OR2T11: variants seen among roughly 807,000 people sequenced by gnomAD.
OR2T11 encodes olfactory receptor 2T11.
Under a neutral mutation model 13.5 loss-of-function variants are expected in OR2T11, and 14 were observed. The ratio of observed to expected loss-of-function variants is 1.04; its 90% CI spans 0.69 to 1.62. OR2T11 has a LOEUF of 1.62. Ranked by LOEUF, OR2T11 falls within the 40% of genes most tolerant of loss-of-function variation. The pLI is 0.00. For missense variants in OR2T11, 410 were observed against 389.7 expected, an observed-to-expected ratio of 1.05 and a Z score of -0.44; for synonymous variants, 163 against 154.6, an observed-to-expected ratio of 1.05 and a Z score of -0.40.
intron 1 of OR2T11, among the ~76,000 whole-genome samples, chr1:248,629,552 T>G (rs536463010): frequency 5.0e-5 from 7 of 140,586 alleles, no homozygotes; most frequent in Admixed American, 4.9e-4. Flanking sequence ...GTCTCATGAA[T>G]CCCTCCAAGT....
chr1:248,627,064 C>T lies in OR2T11; in HGVS notation c.65G>A (p.Gly22Glu). 3.8e-6 allele frequency: 6 copies of T among 1,570,494 alleles called. 2 individuals carry two copies. Among genetic ancestry groups the T allele is most frequent in the Non-Finnish European group, 3.5e-6 (4 of 1,155,388 alleles). ...LGLLVNSEAA[G>E]IVFTVILAVF... is the part of the protein sequence containing the mutation. ...AGCAAGGATCACTGTAAATACAATCCCGGCAGCCTCACTGTTCACCAGAAG... is the reference window on the plus strand; with the variant it reads ...AGCAAGGATCACTGTAAATACAATCTCGGCAGCCTCACTGTTCACCAGAAG... The change falls in exon 2 of 2, where the codon GGG becomes GAG. Residue 22 changes from glycine (G) to glutamate (E), a missense_variant. Transcript: ENST00000641193.
In OR2T11 at chr1:248,625,891, G is replaced by A. The variant is rs1471647872; in HGVS notation, c.*287C>T. The A allele has an allele frequency of 7.9e-6, 2 of 251,698 alleles. No homozygotes were observed. The highest frequency in any genetic ancestry group is 1.5e-5 in the Non-Finnish European group (2 of 134,982). The allele number at this position is 251,698 out of a possible 1,614,324, so 15.6% of individuals were successfully genotyped here. A position where few individuals can be genotyped will look rare whatever the true frequency, so the allele number is the denominator to read the frequency against. ...TGTTGTGAAGGAGATCTAGTTCAGAGTGAAAGGTTGCTGTGAACTCTAATA... is the reference window on the plus strand; with the variant it reads ...TGTTGTGAAGGAGATCTAGTTCAGAATGAAAGGTTGCTGTGAACTCTAATA... On this transcript the variant is annotated 3_prime_UTR_variant, in exon 2 of 2. Transcript: ENST00000641193.
chr1:248,629,839 C>T lies in OR2T11; in HGVS notation c.-144-2567G>A, dbSNP rs1236449839. ...CCTTGCCTGGGGCTCCTCCTCCAAC[C>T]GTGCAAGGCCATCCATCCCCTCATG... On this transcript the variant is annotated intron_variant, in intron 1 of 1. Coordinates refer to ENST00000641193, the MANE Select transcript of OR2T11 (RefSeq NM_001001964.2). Among the ~76,000 whole-genome samples the T allele has an allele frequency of 6.4e-5, 9 of 141,650 alleles. 1 individual carries two copies. Among genetic ancestry groups the T allele is most frequent in the Middle Eastern group, 3.2e-3 (1 of 312 alleles). The allele number at this position is 141,650 out of a possible 152,430, so 92.9% of individuals were successfully genotyped here.
At chr1:248,633,543 T>A (rs1182867915) in intron 1 of OR2T11, among the ~76,000 whole-genome samples, 1 of 139,832 alleles carries the variant, frequency 7.2e-6, no homozygotes, top group African/African-American at 2.9e-5. Context: ...CCCTTTCAAG[T>A]AGTTTCCCCA....
In OR2T11 at chr1:248,630,215, G is replaced by A. The variant is rs550493823; in HGVS notation, c.-144-2943C>T. Among the ~76,000 whole-genome samples the A allele has an allele frequency of 6.3e-5, 9 of 142,102 alleles. No homozygotes were observed. In the South Asian group the frequency reaches 2.0e-3, roughly 31 times the overall value. 93.2% of individuals were successfully genotyped at this position (142,102 alleles called of 152,430 possible). On this transcript the variant is annotated intron_variant, in intron 1 of 1. Coordinates refer to ENST00000641193, the MANE Select transcript of OR2T11 (RefSeq NM_001001964.2). ...TAATTTTTTTTAATGCTAGGCACTT[G>A]TGTTTATCTTCAATGCAAAATAGAC...
Position 248,626,391 on chromosome 1 carries a change from G to A in OR2T11, c.738C>T (p.Ser246=). 1 of 1,572,544 alleles carries A rather than the reference G, an allele frequency of 6.4e-7. No homozygotes were observed. The highest frequency in any genetic ancestry group is 8.6e-7 in the Non-Finnish European group (1 of 1,156,266). Residue 246 remains serine, a synonymous_variant, in exon 2 of 2, where the codon AGC becomes AGT. Transcript: ENST00000641193. ...TTCSSHLTVV[S]IFYGAAFYTY... ...TGTAGAAGGCAGCCCCATAGAAGAT[G>A]CTAACTACAGTCAAGTGGGAGGAAC...
At position 248,625,405 on chromosome 1, in the gene OR2T11, C is replaced by A. The variant is rs1660500393; in HGVS notation, c.*773G>T. 1 of 144,170 alleles carries A rather than the reference C, an allele frequency of 6.9e-6. No homozygotes were observed. Among genetic ancestry groups the A allele is most frequent in the Admixed American group, 6.8e-5 (1 of 14,806 alleles). The allele number at this position is 144,170 out of a possible 1,614,324, so 8.9% of individuals were successfully genotyped here. ...CCCCACTCAGTCAGTCTCAAAGTGC[C>A]TTAAGTGTTGCTGTTGAATCACAGA... On this transcript the variant is annotated 3_prime_UTR_variant, in exon 2 of 2. Transcript: ENST00000641193.
At chr1:248,634,057 A>G (rs1660652411) in intron 1 of OR2T11, among the ~76,000 whole-genome samples, 2 of 141,964 alleles carry the variant, frequency 1.4e-5, no homozygotes, top group Admixed American at 1.4e-4. Flanking sequence ...TAAAAGTCTA[A>G]CTTTGTTAAT....
chr1:248,626,869 TTC>T lies in OR2T11; in HGVS notation c.258_259del (p.Lys87AspfsTer21). 1 of 1,570,528 alleles carries T rather than the reference TTC, an allele frequency of 6.4e-7. No homozygotes were observed. The highest frequency in any genetic ancestry group is 8.7e-7 in the Non-Finnish European group (1 of 1,154,912). On this transcript the variant is annotated frameshift_variant, in exon 2 of 2. Coordinates refer to ENST00000641193, the MANE Select transcript of OR2T11 (RefSeq NM_001001964.2). LOFTEE classifies it high-confidence loss of function. ...GCCACAGGCCACAAAGGAAATGATC[TTC>T]TCTTTAGAAACCATGTCTGCCAGGA...
chr1:248,627,642 GTTCTAT>G (rs1660543987), intron 1 of OR2T11, among the ~76,000 whole-genome samples: 1 of 143,460 alleles, frequency 7.0e-6, no homozygotes, highest in Admixed American at 6.8e-5. Context: ...CCATGTTTCT[GTTCTAT>G]TTCTTTTTAA....
intron 1 of OR2T11, among the ~76,000 whole-genome samples, chr1:248,627,721 A>G (rs1420226016): frequency 1.4e-5 from 2 of 142,934 alleles, no homozygotes; most frequent in East Asian, 2.0e-4. Context: ...CGCATAGTGG[A>G]GTCTTGTCTT....
rs559439206 is a variant in OR2T11, at chr1:248,631,344, C to T, written c.-145+3694G>A. ...CCGTGGACGTGTGCCAACGTTTCCA[C>T]GTGCTCTTCACAGCACCTCGACGGG... On this transcript the variant is annotated intron_variant, in intron 1 of 1. Coordinates refer to ENST00000641193, the MANE Select transcript of OR2T11 (RefSeq NM_001001964.2). Among the ~76,000 whole-genome samples the T allele has an allele frequency of 2.7e-4, 39 of 143,928 alleles. 7 individuals carry two copies. Among genetic ancestry groups the T allele is most frequent in the South Asian group, 4.3e-4 (2 of 4,604 alleles). 94.4% of individuals were successfully genotyped at this position (143,928 alleles called of 152,430 possible).
Position 248,625,394 on chromosome 1 carries a change from T to TCTCA in OR2T11, c.*780_*783dup, listed in dbSNP as rs1375929056. 6.9e-6 allele frequency: 1 copy of TCTCA among 144,182 alleles called. No individual in the cohort carries two copies. The highest frequency in any genetic ancestry group is 1.5e-5 in the Non-Finnish European group (1 of 66,450). 8.9% of individuals were successfully genotyped at this position (144,182 alleles called of 1,614,324 possible). On this transcript the variant is annotated 3_prime_UTR_variant, in exon 2 of 2. Coordinates refer to ENST00000641193, the MANE Select transcript of OR2T11 (RefSeq NM_001001964.2). Reference sequence around the variant, plus strand: ...GGGACTTCCCACCCCACTCAGTCAGTCTCAAAGTGCCTTAAGTGTTGCTGT... The same window carrying TCTCA: ...GGGACTTCCCACCCCACTCAGTCAGTCTCACTCAAAGTGCCTTAAGTGTTGCTGT...
At position 248,624,054 on chromosome 1, in the gene OR2T11, ACCT is replaced by A. The variant is rs1660480075; in HGVS notation, c.*2121_*2123del. The stretch of plus-strand genomic sequence containing the variant: ...TTAGTTATAACACACGCTCTGCCTG[ACCT>A]CCTGCTATTGTCACTGAGTTGGCCA... On this transcript the variant is annotated 3_prime_UTR_variant, in exon 2 of 2. Coordinates refer to ENST00000641193, the MANE Select transcript of OR2T11 (RefSeq NM_001001964.2). 3 of 140,664 alleles carry A rather than the reference ACCT, an allele frequency of 2.1e-5. 1 individual carries two copies. The highest frequency in any genetic ancestry group is 8.5e-5 in the African/African-American group (3 of 35,286). The allele number at this position is 140,664 out of a possible 1,614,324, so 8.7% of individuals were successfully genotyped here.
At position 248,626,097 on chromosome 1, in the gene OR2T11, A is replaced by T; in HGVS notation, c.*81T>A. The T allele has an allele frequency of 1.3e-6, 1 of 776,742 alleles. No homozygotes were observed. The highest frequency in any genetic ancestry group is 2.2e-6 in the Non-Finnish European group (1 of 463,212). The allele number at this position is 776,742 out of a possible 1,614,324, so 48.1% of individuals were successfully genotyped here. The stretch of plus-strand genomic sequence containing the variant: ...AACTGCCAGTAGTAAGTGTAGGTTG[A>T]TAGCTGAGCAGATCATCTCCAGGGA... On this transcript the variant is annotated 3_prime_UTR_variant, in exon 2 of 2. Transcript: ENST00000641193.
intron 1 of OR2T11, among the ~76,000 whole-genome samples, 158 bp from the exon 2 acceptor site, chr1:248,627,430 A>G (rs961835992): frequency 7.0e-6 from 1 of 143,346 alleles, no homozygotes; most frequent in Non-Finnish European, 1.5e-5. Context: ...TGCTACACCA[A>G]GAATGGGGTT....
chr1:248,627,083 C>T lies in OR2T11; in HGVS notation c.46G>A (p.Val16Met), dbSNP rs1398120447. The T allele has an allele frequency of 6.4e-7, 1 of 1,568,334 alleles. No individual in the cohort carries two copies. The highest frequency in any genetic ancestry group is 1.7e-5 in the Admixed American group (1 of 58,226). Reference sequence around the variant, plus strand: ...ACAATCCCGGCAGCCTCACTGTTCACCAGAAGCCCCAGGAGGGTGAAGTCA... The same window carrying T: ...ACAATCCCGGCAGCCTCACTGTTCATCAGAAGCCCCAGGAGGGTGAAGTCA... ...SSDFTLLGLL[V>M]NSEAAGIVFT... The change falls in exon 2 of 2, where the codon GTG (valine) becomes ATG (methionine). Residue 16 changes from valine (V) to methionine (M), a missense_variant. Val to Met is a conservative substitution (Grantham distance 21). Transcript: ENST00000641193.
chr1:248,626,440 C>A lies in OR2T11; in HGVS notation c.689G>T (p.Gly230Val), dbSNP rs186619470. ...LTIHRMPSAE[G>V]RKKAFTTCSS... is the part of the protein sequence containing the mutation. ...ACAAGTGGTGAAGGCCTTTTTGCGACCTTCAGCAGAGGGCATGCGGTGGAT... is the reference window on the plus strand; with the variant it reads ...ACAAGTGGTGAAGGCCTTTTTGCGAACTTCAGCAGAGGGCATGCGGTGGAT... The change falls in exon 2 of 2, where the codon GGT (glycine) becomes GTT (valine). Residue 230 changes from glycine to valine, a missense_variant. By Grantham distance (109) the Gly-to-Val change is moderately radical (BLOSUM62 -3). Coordinates refer to ENST00000641193, the MANE Select transcript of OR2T11 (RefSeq NM_001001964.2). 2.2e-4 allele frequency: 349 copies of A among 1,572,214 alleles called. 48 individuals carry two copies. In the East Asian group the frequency reaches 7.7e-3, roughly 35 times the overall value.
In OR2T11 at chr1:248,632,541, G is replaced by C. The variant is rs375513083; in HGVS notation, c.-145+2497C>G. 9.4e-5 allele frequency among the ~76,000 whole-genome samples: 13 copies of C among 137,678 alleles called. 2 individuals carry two copies. In the East Asian group the frequency reaches 1.7e-3, roughly 18 times the overall value. The allele number at this position is 137,678 out of a possible 152,430, so 90.3% of individuals were successfully genotyped here. On this transcript the variant is annotated intron_variant, in intron 1 of 1. Coordinates refer to ENST00000641193, the MANE Select transcript of OR2T11 (RefSeq NM_001001964.2). Reference sequence around the variant, plus strand: ...ACAGTTGAGGGACCATTTCTGAAATGATTATTCACAACTTGAGCCAGATCA... The same window carrying C: ...ACAGTTGAGGGACCATTTCTGAAATCATTATTCACAACTTGAGCCAGATCA...
Sources: allele counts gnomAD v4.1 joint callset (sites outside exome capture counted in the v4.1 genomes callset), GRCh38; gene constraint gnomAD v4.1.1; transcripts MANE v1.5; gene names NCBI Gene and HGNC (gene_info 2026-07-23, HGNC 2026-07-21).